The following HIPK2 variants were observed in gnomAD, a reference collection of about 807,000 sequenced individuals.
HIPK2 encodes homeodomain interacting protein kinase 2.
HIPK2 carries 27 observed loss-of-function variants against 113.7 expected under a neutral mutation model. The ratio of observed to expected loss-of-function variants is 0.24; its 90% CI spans 0.17 to 0.33. The LOEUF (loss-of-function observed/expected upper bound fraction) is 0.33. Ranked by LOEUF, HIPK2 falls within the 10% of genes least tolerant of loss-of-function variation. The pLI is 1.00. For missense variants in HIPK2, 1,257 were observed against 1,588.0 expected, an observed-to-expected ratio of 0.79 and a Z score of 3.54; for synonymous variants, 631 against 642.2, an observed-to-expected ratio of 0.98 and a Z score of 0.26.
chr7:139,655,557 T>C (rs1801637618), intron 2 of HIPK2, among the ~76,000 whole-genome samples: 1 of 152,184 alleles, frequency 6.6e-6, no homozygotes, highest in African/African-American at 2.4e-5. Context: ...ACATGCTCAC[T>C]TCCTCTTTCT....
At chr7:139,700,719 A>G (rs996462602) in intron 2 of HIPK2, among the ~76,000 whole-genome samples, 1 of 152,210 alleles carries the variant, frequency 6.6e-6, no homozygotes, top group Non-Finnish European at 1.5e-5. Flanking sequence ...TCTCGCAGGC[A>G]GCACTGCGGC....
intron 13 of HIPK2, among the ~76,000 whole-genome samples, chr7:139,579,603 A>G (rs558755875): frequency 6.6e-6 from 1 of 151,794 alleles, no homozygotes; most frequent in African/African-American, 2.4e-5. Flanking sequence ...GAAGAGAGAA[A>G]TGTGCCTCTA....
At position 139,723,117 on chromosome 7, in the gene HIPK2, GTAA is replaced by G. The variant is rs1399717034; in HGVS notation, c.20-6105_20-6103del. Reference sequence around the variant, plus strand: ...TCATTGGTCTGGGGCTACAAATAATGTAATAATAAGAATATCTAAAAATCTTCA... The same window carrying G: ...TCATTGGTCTGGGGCTACAAATAATGTAATAAGAATATCTAAAAATCTTCA... On this transcript the variant is annotated intron_variant, in intron 1 of 14. Transcript: ENST00000406875. Among the ~76,000 whole-genome samples the G allele has an allele frequency of 4.0e-5, 6 of 151,626 alleles. No individual in the cohort carries two copies. The East Asian group carries it at 1.2e-3, about 29-fold the overall frequency.
chr7:139,706,728 G>C (rs778127694), intron 2 of HIPK2, among the ~76,000 whole-genome samples: 18 of 152,214 alleles, frequency 1.2e-4, no homozygotes, highest in Non-Finnish European at 1.9e-4. Context: ...AACGTTTAGA[G>C]CTCAACTGTG....
At position 139,575,183 on chromosome 7, in the gene HIPK2, C is replaced by A; in HGVS notation, c.3071G>T (p.Arg1024Leu). 6.3e-7 allele frequency: 1 copy of A among 1,591,516 alleles called. No individual in the cohort carries two copies. Among genetic ancestry groups the A allele is most frequent in the African/African-American group, 1.3e-5 (1 of 74,714 alleles). ...GAAGTGGGGGCCCGGCCGCTGCTGC[C>A]GGTAGGTGATGGCTCCAGATGAGCT... The part of the protein sequence containing the change: ...SGSSSGAITY[R>L]QQRPGPHFQQ... The change falls in exon 14 of 15, where the codon CGG becomes CTG. Residue 1024 changes from arginine (R) to leucine (L), a missense_variant. This residue lies in a region of HIPK2 where 862 missense variants were observed against 1,004.3 expected (regional missense o/e 0.86). Coordinates refer to ENST00000406875, the MANE Select transcript of HIPK2 (RefSeq NM_022740.5).
intron 12 of HIPK2, among the ~76,000 whole-genome samples, chr7:139,592,729 A>G (rs552263487): frequency 7.2e-4 from 110 of 152,366 alleles, no homozygotes; most frequent in Non-Finnish European, 2.4e-4. Context: ...TGGCTTGTTC[A>G]GTATGTGTAG....
At chr7:139,695,075 G>A (rs989610282) in intron 2 of HIPK2, among the ~76,000 whole-genome samples, 1 of 152,202 alleles carries the variant, frequency 6.6e-6, no homozygotes, top group Admixed American at 6.5e-5. Context: ...TGCGAGGTTC[G>A]CCATTTTGTC....
At position 139,630,603 on chromosome 7, in the gene HIPK2, G is replaced by A. The variant is rs185847159; in HGVS notation, c.1347+562C>T. On this transcript the variant is annotated intron_variant, in intron 4 of 14. Transcript: ENST00000406875. The surrounding 1 kb of genome is among the most constrained non-coding windows in gnomAD (Gnocchi z 4.0). ...AGTAGAGACGGGGTTTCACCATGTTGGCCAGGCTGGTCTCGAATTCATGAC... is the reference window on the plus strand; with the variant it reads ...AGTAGAGACGGGGTTTCACCATGTTAGCCAGGCTGGTCTCGAATTCATGAC... 3.0e-4 allele frequency among the ~76,000 whole-genome samples: 45 copies of A among 152,270 alleles called. No individual in the cohort carries two copies. Among genetic ancestry groups the A allele is most frequent in the African/African-American group, 9.6e-4 (40 of 41,552 alleles).
chr7:139,636,143 T>C (rs6976788), intron 2 of HIPK2, among the ~76,000 whole-genome samples: 42,318 of 152,000 alleles, frequency 0.28, 7,681 homozygotes, highest in African/African-American at 0.52. Flanking sequence ...CTCTGTGACC[T>C]GGGAGCCACA....
chr7:139,726,553 T>C (rs1287237863), intron 1 of HIPK2, among the ~76,000 whole-genome samples: 1 of 152,158 alleles, frequency 6.6e-6, no homozygotes, highest in East Asian at 1.9e-4. Flanking sequence ...GATATCTACG[T>C]TGAAATGTCC....
At chr7:139,634,615 G>A (rs372186457) in intron 2 of HIPK2, among the ~76,000 whole-genome samples, 29 of 148,730 alleles carry the variant, frequency 1.9e-4, no homozygotes, top group Non-Finnish European at 2.4e-4. Context: ...TTTAGAGATC[G>A]TTTCAGTTTA....
chr7:139,633,661 G>A (rs78736640), intron 2 of HIPK2, among the ~76,000 whole-genome samples: 31,155 of 148,000 alleles, frequency 0.21, 4,548 homozygotes, highest in African/African-American at 0.43. Flanking sequence ...AAAAAAAAAA[G>A]GGGTTAGGCG....
At chr7:139,724,777 C>T (rs543937365) in intron 1 of HIPK2, among the ~76,000 whole-genome samples, 3 of 147,874 alleles carry the variant, frequency 2.0e-5, no homozygotes, top group Non-Finnish European at 4.4e-5. Flanking sequence ...TGAGAACATG[C>T]GGTGTTTGGT....
chr7:139,756,439 T>G lies in HIPK2; in HGVS notation c.19+21166A>C, dbSNP rs190237097. Among the ~76,000 whole-genome samples the G allele has an allele frequency of 2.4e-3, 372 of 152,360 alleles. 4 individuals are homozygous for G. The highest frequency in any genetic ancestry group is 8.5e-3 in the African/African-American group (353 of 41,574). ...TTTTTGTTTGTTTGTTTGTTTGTTT[T>G]TTTGAGACGGAGTCTCGCTCTGTCA... On this transcript the variant is annotated intron_variant, in intron 1 of 14. Transcript: ENST00000406875.
intron 2 of HIPK2, among the ~76,000 whole-genome samples, chr7:139,713,360 G>T (rs1375370970): frequency 6.6e-6 from 1 of 152,122 alleles, no homozygotes; most frequent in Non-Finnish European, 1.5e-5. Context: ...CCTGAGCTAG[G>T]ATCCCCGATT....
chr7:139,686,066 C>T (rs1237902750), intron 2 of HIPK2, among the ~76,000 whole-genome samples: 1 of 152,266 alleles, frequency 6.6e-6, no homozygotes, highest in East Asian at 1.9e-4. Flanking sequence ...ATTCTAAATG[C>T]CATTAAGAAC....
At chr7:139,589,962 T>C (rs190732594) in intron 12 of HIPK2, among the ~76,000 whole-genome samples, 2 of 152,362 alleles carry the variant, frequency 1.3e-5, no homozygotes, top group East Asian at 3.9e-4. Flanking sequence ...GCTAGCTGTT[T>C]TTCATCTCTT....
chr7:139,749,887 GA>G (rs1482432956), intron 1 of HIPK2, among the ~76,000 whole-genome samples: 1 of 152,154 alleles, frequency 6.6e-6, no homozygotes, highest in Non-Finnish European at 1.5e-5. Context: ...TGGTTTAGAG[GA>G]AATAACACCT....
At chr7:139,603,103 G>A (rs1399832848) in intron 10 of HIPK2, among the ~76,000 whole-genome samples, 1 of 152,126 alleles carries the variant, frequency 6.6e-6, no homozygotes, top group East Asian at 1.9e-4. Flanking sequence ...GCTGCAGTAG[G>A]GGTCTGACTG....
Sources: gnomAD v4.1 joint callset for allele counts (sites outside exome capture counted in the v4.1 genomes callset) on GRCh38, gnomAD v4.1.1 for gene constraint, gnomAD v4.1.1 regional missense constraint, Gnocchi (gnomAD v3.1) non-coding constraint, MANE v1.5 for transcripts, NCBI Gene and HGNC (gene_info 2026-07-23, HGNC 2026-07-21) for gene names.